The following GPR39 variants were observed in gnomAD, a reference collection of about 807,000 sequenced individuals.
The protein encoded by GPR39 is G protein-coupled receptor 39.
GPR39 carries 23 observed loss-of-function variants against 18.4 expected under a neutral mutation model. The ratio of observed to expected loss-of-function variants is 1.25; its 90% CI spans 0.90 to 1.77. The LOEUF (loss-of-function observed/expected upper bound fraction) is 1.77. Ranked by LOEUF, GPR39 falls within the 40% of genes most tolerant of loss-of-function variation. The pLI is 0.00. For missense variants in GPR39, 647 were observed against 602.4 expected (o/e 1.07, Z -0.78); for synonymous variants, 280 against 257.9 (o/e 1.09, Z -0.82).
At chr2:132,591,631 T>C (rs2104832585) in intron 1 of GPR39, among the ~76,000 whole-genome samples, 1 of 152,320 alleles carries the variant, frequency 6.6e-6, no homozygotes, top group East Asian at 1.9e-4. Context: ...TAGAGAACAC[T>C]GAGTAATACA....
At chr2:132,485,222 T>A (rs1286927170) in intron 1 of GPR39, among the ~76,000 whole-genome samples, 1 of 152,244 alleles carries the variant, frequency 6.6e-6, no homozygotes, top group African/African-American at 2.4e-5. Context: ...ACAATATGCA[T>A]ACCTTAATTT....
chr2:132,581,863 A>G (rs551897996), intron 1 of GPR39, among the ~76,000 whole-genome samples: 1 of 152,316 alleles, frequency 6.6e-6, no homozygotes, highest in South Asian at 2.1e-4. Context: ...ATAACTAGTT[A>G]TCTAAATAAG....
At chr2:132,435,320 T>TC (rs1680293806) in intron 1 of GPR39, among the ~76,000 whole-genome samples, 1 of 152,138 alleles carries the variant, frequency 6.6e-6, no homozygotes, top group Non-Finnish European at 1.5e-5. Flanking sequence ...CTCAGCCTAT[T>TC]CAACATGAAG....
In GPR39 at chr2:132,646,326, A is replaced by G. The variant is rs1682075577; in HGVS notation, c.*720A>G. The G allele has an allele frequency of 7.6e-7, 1 of 1,317,226 alleles. No homozygotes were observed. The highest frequency in any genetic ancestry group is 3.1e-5 in the Admixed American group (1 of 32,552). The allele number at this position is 1,317,226 out of a possible 1,614,324, so 81.6% of individuals were successfully genotyped here. A position where few individuals can be genotyped will look rare whatever the true frequency, so the allele number is the denominator to read the frequency against. ...AGCTGAGTTAACGTGCACCGGCAAA[A>G]GAATAGCTGTCCCTCTCAGCCCAAA... On this transcript the variant is annotated 3_prime_UTR_variant, in exon 2 of 2. Transcript: ENST00000329321.
intron 1 of GPR39, among the ~76,000 whole-genome samples, chr2:132,557,577 A>G (rs1360506490): frequency 7.9e-6 from 1 of 126,460 alleles, no homozygotes. Context: ...GTGTAAGATT[A>G]GCTGAAAGAA....
At chr2:132,546,057 A>C (rs1167303714) in intron 1 of GPR39, among the ~76,000 whole-genome samples, 1 of 152,242 alleles carries the variant, frequency 6.6e-6, no homozygotes, top group Non-Finnish European at 1.5e-5. Context: ...ATAGTTTATC[A>C]GGCTTCTTAA....
intron 1 of GPR39, among the ~76,000 whole-genome samples, chr2:132,433,323 A>G (rs1299537955): frequency 6.6e-6 from 1 of 152,160 alleles, no homozygotes; most frequent in African/African-American, 2.4e-5. Flanking sequence ...AATTTTTTGT[A>G]GCTACCTCCT....
intron 1 of GPR39, among the ~76,000 whole-genome samples, chr2:132,644,538 C>T (rs768135184): frequency 2.0e-5 from 3 of 152,166 alleles, no homozygotes; most frequent in Non-Finnish European, 4.4e-5. Flanking sequence ...ACATTCTTGG[C>T]GACAGGCTAT....
chr2:132,556,746 C>A (rs769956466), intron 1 of GPR39, among the ~76,000 whole-genome samples: 15 of 152,290 alleles, frequency 9.8e-5, no homozygotes, highest in Non-Finnish European at 1.3e-4. Context: ...CCCACTTGGA[C>A]AATTCTACTG....
intron 1 of GPR39, among the ~76,000 whole-genome samples, chr2:132,497,624 TA>T (rs1450849807): frequency 6.6e-6 from 1 of 152,174 alleles, no homozygotes; most frequent in Non-Finnish European, 1.5e-5. Context: ...TTAAGAGTCA[TA>T]ATTATTTCCC....
intron 1 of GPR39, among the ~76,000 whole-genome samples, chr2:132,528,234 G>T (rs3109141): frequency 0.02 from 2,979 of 152,198 alleles, 101 homozygotes; most frequent in African/African-American, 0.069. Flanking sequence ...AAGATCAGAT[G>T]GTTGTGGATA....
At chr2:132,494,556 T>A (rs1447077034) in intron 1 of GPR39, among the ~76,000 whole-genome samples, 3 of 152,186 alleles carry the variant, frequency 2.0e-5, no homozygotes, top group Non-Finnish European at 4.4e-5. Context: ...AGGCCTTCCC[T>A]GAGCAGCCGA....
chr2:132,572,521 T>C (rs1446625594), intron 1 of GPR39, among the ~76,000 whole-genome samples: 1 of 147,760 alleles, frequency 6.8e-6, no homozygotes, highest in African/African-American at 2.5e-5. Context: ...TCAGAACTCA[T>C]AGGGTTAGAA....
intron 1 of GPR39, among the ~76,000 whole-genome samples, chr2:132,487,373 A>G (rs1349322190): frequency 6.6e-6 from 1 of 152,230 alleles, no homozygotes; most frequent in Non-Finnish European, 1.5e-5. Context: ...TGGTGCTGAT[A>G]GATTTGCTTG....
intron 1 of GPR39, among the ~76,000 whole-genome samples, chr2:132,510,447 T>G (rs1363754737): frequency 1.3e-5 from 2 of 152,054 alleles, no homozygotes. Context: ...TTTTATACTT[T>G]GGGGCTCTTG....
At chr2:132,444,871 A>G (rs551932425) in intron 1 of GPR39, among the ~76,000 whole-genome samples, 1 of 152,310 alleles carries the variant, frequency 6.6e-6, no homozygotes, top group Non-Finnish European at 1.5e-5. Flanking sequence ...GATGCAGTGG[A>G]CAAATATTGA....
At chr2:132,463,437 T>G (rs1285132119) in intron 1 of GPR39, among the ~76,000 whole-genome samples, 1 of 151,900 alleles carries the variant, frequency 6.6e-6, no homozygotes, top group Non-Finnish European at 1.5e-5. Context: ...TTTTTTTTTT[T>G]TTGGTCTTCT....
chr2:132,646,382 C>CACAGCCCAGAG lies in GPR39; in HGVS notation c.*779_*789dup, dbSNP rs1325540669. ...ACGGACAGCTCTTCCTTACTCCTCCCACAGCCCAGAGACTAGGTGAGGTCA... is the reference window on the plus strand; with the variant it reads ...ACGGACAGCTCTTCCTTACTCCTCCCACAGCCCAGAGACAGCCCAGAGACTAGGTGAGGTCA... On this transcript the variant is annotated 3_prime_UTR_variant, in exon 2 of 2. Coordinates refer to ENST00000329321, the MANE Select transcript of GPR39 (RefSeq NM_001508.3). 1 of 705,940 alleles carries CACAGCCCAGAG rather than the reference C, an allele frequency of 1.4e-6. No homozygotes were observed. The highest frequency in any genetic ancestry group is 3.3e-5 in the East Asian group (1 of 30,150). The allele number at this position is 705,940 out of a possible 1,614,324, so 43.7% of individuals were successfully genotyped here.
chr2:132,620,373 G>A (rs1041568846), intron 1 of GPR39, among the ~76,000 whole-genome samples: 9 of 152,102 alleles, frequency 5.9e-5, no homozygotes, highest in Admixed American at 2.6e-4. Flanking sequence ...TCTGGCCTGT[G>A]ACTCAGTCAT....
Sources: gnomAD v4.1 joint callset for allele counts (sites outside exome capture counted in the v4.1 genomes callset) on GRCh38, gnomAD v4.1.1 for gene constraint, MANE v1.5 for transcripts, NCBI Gene and HGNC (gene_info 2026-07-23, HGNC 2026-07-21) for gene names.